The following FILIP1L variants were observed in gnomAD, a reference collection of about 807,000 sequenced individuals.
The protein encoded by FILIP1L is filamin A interacting protein 1 like.
Under a neutral mutation model 96.6 loss-of-function variants are expected in FILIP1L, and 55 were observed. The ratio of observed to expected loss-of-function variants is 0.57; its 90% confidence interval spans 0.46 to 0.71. FILIP1L has a LOEUF of 0.71. FILIP1L is among the 30% of genes least tolerant of loss of function. The pLI is 0.00. For missense variants in FILIP1L, 1,304 were observed against 1,321.2 expected, an observed-to-expected ratio of 0.99 and a Z score of 0.20; for synonymous variants, 467 against 473.9, an observed-to-expected ratio of 0.99 and a Z score of 0.19.
intron 1 of FILIP1L, among the ~76,000 whole-genome samples, chr3:99,948,018 A>G (rs1473378361): frequency 3.3e-5 from 5 of 150,622 alleles, no homozygotes; most frequent in African/African-American, 4.9e-5. Context: ...CTGTGTAGAC[A>G]ATGGTGGTGG....
At chr3:99,846,612 C>G (rs1943374815) in intron 5 of FILIP1L, among the ~76,000 whole-genome samples, 1 of 152,186 alleles carries the variant, frequency 6.6e-6, no homozygotes, top group African/African-American at 2.4e-5. Context: ...TCAGCAGCCT[C>G]AGCTTTCATC....
rs1273023605 is a variant in FILIP1L at position 99,849,165 on chromosome 3, G to A, written c.2511C>T (p.Asp837=). ...ACAGCACAGATCCCTCATCATTAGG[G>A]TCCTCGTCTTGATTCTCACTCTCCT... ...LYEESENQDE[D]PNDEGSVLSF... Residue 837 remains aspartate (D), a synonymous_variant, in exon 5 of 6, where the codon GAC becomes GAT. Transcript: ENST00000477258. 2.5e-6 allele frequency: 4 copies of A among 1,614,022 alleles called. No homozygotes were observed. In the Admixed American group the frequency reaches 5.0e-5, roughly 20 times the overall value.
chr3:99,933,375 T>C (rs1707551108), intron 1 of FILIP1L, among the ~76,000 whole-genome samples: 1 of 152,122 alleles, frequency 6.6e-6, no homozygotes, highest in South Asian at 2.1e-4. Context: ...AGCAAAGGCA[T>C]AGAAGGGATA....
chr3:100,015,789 A>C (rs1258914867), intron 1 of FILIP1L, among the ~76,000 whole-genome samples: 1 of 152,216 alleles, frequency 6.6e-6, no homozygotes, highest in Non-Finnish European at 1.5e-5. Flanking sequence ...CACTCACTGA[A>C]TATCTGATAA....
chr3:100,110,861 A>G (rs1347635937), intron 1 of FILIP1L, among the ~76,000 whole-genome samples: 2 of 152,140 alleles, frequency 1.3e-5, no homozygotes, highest in African/African-American at 4.8e-5. Context: ...GTCTGATCTG[A>G]TGTGACAATG....
intron 4 of FILIP1L, among the ~76,000 whole-genome samples, chr3:99,896,500 A>G (rs550885625): frequency 4.1e-4 from 62 of 152,320 alleles, no homozygotes; most frequent in Non-Finnish European, 6.8e-4. Flanking sequence ...GAGGCTTCAT[A>G]CAGAGTCCTT....
chr3:99,876,228 A>G (rs1705511965), intron 4 of FILIP1L: 1 of 985,192 alleles, frequency 1.0e-6, no homozygotes, highest in African/African-American at 1.7e-5. Flanking sequence ...GTTCTGCCTT[A>G]TAAGGCGCTC....
intron 4 of FILIP1L, among the ~76,000 whole-genome samples, chr3:99,876,801 C>T (rs1705549082): frequency 1.3e-5 from 2 of 152,112 alleles, no homozygotes; most frequent in Non-Finnish European, 2.9e-5. Context: ...AAAGAACTTC[C>T]TCTTTCCCCA....
At chr3:99,835,502 G>A (rs1169772786) in intron 5 of FILIP1L, among the ~76,000 whole-genome samples, 2 of 152,140 alleles carry the variant, frequency 1.3e-5, no homozygotes. Flanking sequence ...CACCTACTAT[G>A]AGCACTATTT....
At chr3:100,074,135 A>T (rs1480153783) in intron 1 of FILIP1L, among the ~76,000 whole-genome samples, 2 of 152,150 alleles carry the variant, frequency 1.3e-5, no homozygotes, top group East Asian at 3.9e-4. Context: ...CTGTAACCTC[A>T]AAAAGAGCTG....
intron 4 of FILIP1L, among the ~76,000 whole-genome samples, chr3:99,920,443 T>TA (rs1346497350): frequency 1.3e-5 from 2 of 152,228 alleles, no homozygotes; most frequent in African/African-American, 4.8e-5. Flanking sequence ...TGCTTTTGTG[T>TA]AAAAAACCTT....
chr3:99,875,066 T>G (rs969840875), intron 4 of FILIP1L, among the ~76,000 whole-genome samples: 1 of 152,228 alleles, frequency 6.6e-6, no homozygotes, highest in African/African-American at 2.4e-5. Flanking sequence ...TAAAGTTTTA[T>G]TTTACAATAT....
chr3:99,941,862 A>AT (rs1342538593), intron 1 of FILIP1L, among the ~76,000 whole-genome samples: 11 of 152,242 alleles, frequency 7.2e-5, no homozygotes, highest in Non-Finnish European at 1.6e-4. Flanking sequence ...GATGAATGAG[A>AT]TAAAACCTTG....
chr3:100,011,094 A>G (rs1298100993), intron 1 of FILIP1L, among the ~76,000 whole-genome samples: 1 of 152,150 alleles, frequency 6.6e-6, no homozygotes, highest in Non-Finnish European at 1.5e-5. Context: ...TAGAAGATTG[A>G]AGCTTCTGAT....
At chr3:99,874,508 G>A (rs1705404813) in intron 4 of FILIP1L, 2 of 152,154 alleles carry the variant, frequency 1.3e-5, no homozygotes, top group South Asian at 4.1e-4. Flanking sequence ...ATAATAGTTT[G>A]TGGAAAATCC....
At chr3:99,847,888 A>G in intron 5 of FILIP1L, 1 of 944,790 alleles carries the variant, frequency 1.1e-6, no homozygotes, top group Non-Finnish European at 1.3e-6. Context: ...ATGCAGAAAT[A>G]TAACACAGAA....
intron 4 of FILIP1L, among the ~76,000 whole-genome samples, chr3:99,910,409 T>A (rs1188319737): frequency 7.3e-6 from 1 of 136,308 alleles, no homozygotes; most frequent in Non-Finnish European, 1.7e-5. Context: ...CAGGGTTCTG[T>A]GAGCTTTTAG....
chr3:99,970,646 A>T (rs556399478), intron 1 of FILIP1L, among the ~76,000 whole-genome samples: 38 of 152,358 alleles, frequency 2.5e-4, no homozygotes, highest in African/African-American at 8.2e-4. Context: ...CAAGAGTTTA[A>T]AAAGAGCAAG....
At chr3:99,845,999 C>T (rs1192304311) in intron 5 of FILIP1L, among the ~76,000 whole-genome samples, 1 of 152,140 alleles carries the variant, frequency 6.6e-6, no homozygotes, top group Non-Finnish European at 1.5e-5. Flanking sequence ...CATAATAGAA[C>T]ACAAGACTTA....
Sources: allele counts gnomAD v4.1 joint callset (sites outside exome capture counted in the v4.1 genomes callset), GRCh38; gene constraint gnomAD v4.1.1; transcripts MANE v1.5; gene names NCBI Gene and HGNC (gene_info 2026-07-23, HGNC 2026-07-21).